The following GPC6 variants were observed in gnomAD, a reference collection of about 807,000 sequenced individuals.
GPC6 encodes glypican-6.
Under a neutral mutation model 55.2 loss-of-function variants are expected in GPC6, and 14 were observed. That is an observed-to-expected ratio of 0.25 (90% CI 0.17 to 0.40). The LOEUF (loss-of-function observed/expected upper bound fraction) is 0.40, where lower values mean the gene tolerates loss of function less well. Among genes scored for constraint, GPC6 ranks in the 10% least tolerant of loss-of-function variants. GPC6 has a pLI of 1.00. For missense variants in GPC6, 641 were observed against 708.5 expected (o/e 0.90, Z 1.08); for synonymous variants, 278 against 259.6 (o/e 1.07, Z -0.68).
At chr13:93,980,515 A>T (rs1880751246) in intron 3 of GPC6, among the ~76,000 whole-genome samples, 1 of 152,136 alleles carries the variant, frequency 6.6e-6, no homozygotes, top group Admixed American at 6.5e-5. Flanking sequence ...TTAGTATTGA[A>T]TGTGTAAGGG....
At chr13:93,727,009 C>T (rs1038230596) in intron 2 of GPC6, among the ~76,000 whole-genome samples, 6 of 151,944 alleles carry the variant, frequency 3.9e-5, no homozygotes, top group Non-Finnish European at 8.8e-5. Flanking sequence ...AATAGGGCTC[C>T]ATTTACTCAT....
At chr13:94,363,491 C>T (rs1370820650) in intron 6 of GPC6, among the ~76,000 whole-genome samples, 1 of 152,164 alleles carries the variant, frequency 6.6e-6, no homozygotes, top group Admixed American at 6.5e-5. Flanking sequence ...AAAATGAGTT[C>T]TGTTGATTTG....
intron 1 of GPC6, among the ~76,000 whole-genome samples, chr13:93,361,677 T>C (rs1594118726): frequency 6.6e-6 from 1 of 152,350 alleles, no homozygotes; most frequent in South Asian, 2.1e-4. Context: ...TCCTGGTTTT[T>C]CTGCTTAAAG....
At chr13:93,663,262 G>A (rs552950901) in intron 2 of GPC6, among the ~76,000 whole-genome samples, 1 of 152,182 alleles carries the variant, frequency 6.6e-6, no homozygotes, top group South Asian at 2.1e-4. Flanking sequence ...TCAACTCACT[G>A]GACCTTATCA....
chr13:93,525,430 C>G (rs1881608676), intron 1 of GPC6, among the ~76,000 whole-genome samples: 1 of 152,008 alleles, frequency 6.6e-6, no homozygotes, highest in Non-Finnish European at 1.5e-5. Context: ...GTCAGTGAAA[C>G]AGAATAGCTT....
intron 1 of GPC6, among the ~76,000 whole-genome samples, chr13:93,333,332 C>T (rs1192364476): frequency 6.6e-6 from 1 of 152,112 alleles, no homozygotes; most frequent in Non-Finnish European, 1.5e-5. Flanking sequence ...ATTCCATGAA[C>T]ACATAATATC....
rs192308703 is a variant in GPC6, at chr13:93,657,600, T to G, written c.319+112179T>G. Among the ~76,000 whole-genome samples the G allele has an allele frequency of 1.5e-3, 234 of 152,188 alleles. 3 individuals are homozygous for G. The highest frequency in any genetic ancestry group is 0.015 in the East Asian group (78 of 5,182). On this transcript the variant is annotated intron_variant, in intron 2 of 8. Coordinates refer to ENST00000377047, the MANE Select transcript of GPC6 (RefSeq NM_005708.5). ...GGCAACAAAAACAAAATTTGACAAG[T>G]GGGATCTAATTAAACTATAGAGCTT...
At chr13:93,757,758 A>AT (rs771260958) in intron 2 of GPC6, among the ~76,000 whole-genome samples, 9 of 152,084 alleles carry the variant, frequency 5.9e-5, no homozygotes, top group East Asian at 1.9e-4. Flanking sequence ...GAAGGAAGAG[A>AT]TTTTTTGTCT....
At chr13:93,402,312 C>G (rs1876121731) in intron 1 of GPC6, among the ~76,000 whole-genome samples, 1 of 152,114 alleles carries the variant, frequency 6.6e-6, no homozygotes, top group African/African-American at 2.4e-5. Flanking sequence ...TTCATAAGCG[C>G]TAGGGCAATG....
intron 4 of GPC6, among the ~76,000 whole-genome samples, chr13:94,219,512 A>T (rs1890320037): frequency 6.6e-6 from 1 of 152,160 alleles, no homozygotes; most frequent in Non-Finnish European, 1.5e-5. Context: ...ACAAACTTTT[A>T]CTTGAAACAC....
intron 4 of GPC6, among the ~76,000 whole-genome samples, chr13:94,170,678 G>A (rs751000811): frequency 6.6e-5 from 10 of 152,166 alleles, no homozygotes; most frequent in Non-Finnish European, 1.2e-4. Flanking sequence ...TGAAACTCAT[G>A]GAAAATGCCA....
intron 1 of GPC6, among the ~76,000 whole-genome samples, chr13:93,298,302 C>T (rs1297587787): frequency 6.6e-6 from 1 of 152,144 alleles, no homozygotes; most frequent in African/African-American, 2.4e-5. Context: ...GAGCCCAGTC[C>T]CTCAGTTTAA....
chr13:93,285,616 CTGTGTGTGTGTGTGTGTG>C (rs754671051), intron 1 of GPC6, among the ~76,000 whole-genome samples: 11 of 103,592 alleles, frequency 1.1e-4, no homozygotes, highest in South Asian at 9.2e-4. Flanking sequence ...GTATATACTG[CTGTGTGTGTGTGTGTGTG>C]TGTGTGTGTG....
chr13:94,214,977 A>G (rs1890184286), intron 4 of GPC6, among the ~76,000 whole-genome samples: 1 of 152,212 alleles, frequency 6.6e-6, no homozygotes, highest in Non-Finnish European at 1.5e-5. Context: ...AAACATTTCA[A>G]CCTGGCCCCT....
intron 3 of GPC6, among the ~76,000 whole-genome samples, chr13:93,888,451 G>T (rs1392702514): frequency 2.6e-5 from 4 of 152,118 alleles, no homozygotes; most frequent in African/African-American, 9.7e-5. Flanking sequence ...AGGGAAAAAG[G>T]TCACTTGTGT....
At chr13:94,304,866 T>C (rs981798899) in intron 5 of GPC6, among the ~76,000 whole-genome samples, 7 of 152,256 alleles carry the variant, frequency 4.6e-5, no homozygotes, top group African/African-American at 1.7e-4. Flanking sequence ...GCTGTTATTA[T>C]ATGGATTTCA....
intron 4 of GPC6, among the ~76,000 whole-genome samples, chr13:94,143,159 GA>G (rs988371840): frequency 6.0e-5 from 9 of 150,530 alleles, no homozygotes; most frequent in Non-Finnish European, 1.3e-4. Flanking sequence ...AAAAAAAAAA[GA>G]TATATAAAAA....
At chr13:94,273,551 A>G (rs534833006) in intron 4 of GPC6, among the ~76,000 whole-genome samples, 71 of 152,324 alleles carry the variant, frequency 4.7e-4, no homozygotes, top group African/African-American at 1.5e-3. Flanking sequence ...TTTCTCCTTC[A>G]TTATTCTCTT....
At chr13:94,102,401 G>A (rs1306888567) in intron 4 of GPC6, among the ~76,000 whole-genome samples, 1 of 151,872 alleles carries the variant, frequency 6.6e-6, no homozygotes, top group African/African-American at 2.4e-5. Flanking sequence ...CTCTCCAGGG[G>A]CCTACTTTTA....
Sources: gnomAD v4.1 joint callset for allele counts (sites outside exome capture counted in the v4.1 genomes callset) on GRCh38, gnomAD v4.1.1 for gene constraint, MANE v1.5 for transcripts, NCBI Gene and HGNC (gene_info 2026-07-23, HGNC 2026-07-21) for gene names.